The following NTM variants were observed in gnomAD, a reference collection of about 807,000 sequenced individuals.
The protein encoded by NTM is IgLON family member 2.
Under a neutral mutation model 42.1 loss-of-function variants are expected in NTM, and 13 were observed. That is an observed-to-expected ratio of 0.31 (90% CI 0.20 to 0.49). The LOEUF (loss-of-function observed/expected upper bound fraction) is 0.49, where lower values mean the gene tolerates loss of function less well. NTM is among the 20% of genes least tolerant of loss of function. The probability of loss-of-function intolerance (pLI) is 0.99; values close to 1 mark genes in which losing one functional copy is unlikely to be tolerated. For synonymous variants in NTM, 187 were observed against 179.2 expected (o/e 1.04, Z -0.35); for missense variants, 373 against 452.8 (o/e 0.82, Z 1.60).
At chr11:132,000,147 CAAGGCTTCT>C (rs2068909441) in intron 2 of NTM, among the ~76,000 whole-genome samples, 2 of 152,160 alleles carry the variant, frequency 1.3e-5, no homozygotes, top group African/African-American at 4.8e-5. Context: ...GGAAGCCAGG[CAAGGCTTCT>C]ACTGCACACA....
In NTM at chr11:131,472,882, T is replaced by C. The variant is rs114034508; in HGVS notation, c.82+101994T>C. 5.9e-3 allele frequency among the ~76,000 whole-genome samples: 904 copies of C among 152,208 alleles called. 9 individuals carry two copies. The highest frequency in any genetic ancestry group is 0.02 in the African/African-American group (815 of 41,524). The stretch of plus-strand genomic sequence containing the variant: ...CATTACTTCCACTACCCCCCAGAGA[T>C]TGAGTCATCCCTTGATCTTTCTTCA... On this transcript the variant is annotated intron_variant, in intron 1 of 8. Transcript: ENST00000683400.
intron 1 of NTM, among the ~76,000 whole-genome samples, chr11:131,591,120 G>A (rs1445008102): frequency 1.3e-5 from 2 of 152,170 alleles, no homozygotes; most frequent in East Asian, 3.9e-4. Context: ...AACTTCTTAG[G>A]GAAATTTCTT....
Position 132,280,317 on chromosome 11 carries a change from T to C in NTM, c.527-27372T>C, listed in dbSNP as rs151185700. ...CAGTATCCCCCACCCGAAATAGTAA[T>C]GTAACATGGTGAAAGTACAGGACAC... On this transcript the variant is annotated intron_variant, in intron 4 of 8. Transcript: ENST00000683400. Among the ~76,000 whole-genome samples, 299 of 152,172 alleles carry C rather than the reference T, an allele frequency of 2.0e-3. 8 individuals carry two copies. In the East Asian group the frequency reaches 0.052, roughly 26 times the overall value.
rs758667740 is a variant in NTM at position 132,307,673 on chromosome 11, A to G, written c.527-16A>G. The G allele has an allele frequency of 6.2e-7, 1 of 1,613,874 alleles. No homozygotes were observed. The highest frequency in any genetic ancestry group is 1.1e-5 in the South Asian group (1 of 91,034). ...TTTTCCTTGTATTTCACCACACGTT[A>G]CCGGTTTTCCCGCAGCGGTTGGCTT... On this transcript the variant is annotated splice_polypyrimidine_tract_variant and intron_variant, in intron 4 of 8. Transcript: ENST00000683400.
chr11:131,608,754 C>G (rs989638640), intron 1 of NTM, among the ~76,000 whole-genome samples: 3 of 152,186 alleles, frequency 2.0e-5, no homozygotes, highest in Non-Finnish European at 4.4e-5. Context: ...CTATTGCTCT[C>G]TCTCTTTAAA....
intron 4 of NTM, 132 bp from the exon 5 acceptor site, chr11:132,307,557 G>A: frequency 1.6e-6 from 2 of 1,271,740 alleles, no homozygotes; most frequent in East Asian, 2.5e-5. Context: ...AACCCACACA[G>A]TTCCTCAGAA....
rs1565552977 is a variant in NTM, at chr11:131,789,631, GAAGAA to G, written c.83-121927_83-121923del. 3.7e-4 allele frequency among the ~76,000 whole-genome samples: 31 copies of G among 84,662 alleles called. 3 individuals are homozygous for G. The highest frequency in any genetic ancestry group is 3.4e-3 in the South Asian group (10 of 2,912). 55.5% of individuals were successfully genotyped at this position (84,662 alleles called of 152,430 possible). ...AGAAGAAGAAGAAGAAGAAGAAGAA[GAAGAA>G]AAGAAGAAGAAGAAGAAGAAGAAGA... On this transcript the variant is annotated intron_variant, in intron 1 of 8. Coordinates refer to ENST00000683400, the MANE Select transcript of NTM (RefSeq NM_001352005.2).
chr11:132,064,785 G>A (rs1322727483), intron 2 of NTM, among the ~76,000 whole-genome samples: 1 of 152,168 alleles, frequency 6.6e-6, no homozygotes, highest in Non-Finnish European at 1.5e-5. Context: ...CCATAGGGGA[G>A]GCAGTGTAAG....
At chr11:132,108,559 G>C (rs1270173995) in intron 2 of NTM, among the ~76,000 whole-genome samples, 1 of 152,020 alleles carries the variant, frequency 6.6e-6, no homozygotes, top group Admixed American at 6.6e-5. Flanking sequence ...AGGAACAAAA[G>C]ACTACACATT....
chr11:132,209,418 T>C (rs2082481246), intron 3 of NTM, among the ~76,000 whole-genome samples: 1 of 128,032 alleles, frequency 7.8e-6, no homozygotes, highest in Non-Finnish European at 1.8e-5. Flanking sequence ...TGTGTGTGTG[T>C]GTGCATGCAT....
chr11:131,936,858 G>A (rs945784667), intron 2 of NTM, among the ~76,000 whole-genome samples: 1 of 152,174 alleles, frequency 6.6e-6, no homozygotes, highest in African/African-American at 2.4e-5. Context: ...AAGTGCTTAT[G>A]TGCATCTCAT....
intron 1 of NTM, among the ~76,000 whole-genome samples, chr11:131,392,832 T>C (rs1360505751): frequency 6.6e-6 from 1 of 152,230 alleles, no homozygotes; most frequent in Non-Finnish European, 1.5e-5. Flanking sequence ...AACCAAGGTC[T>C]ATTATTTTTG....
At chr11:131,814,815 G>GT (rs1433857890) in intron 1 of NTM, among the ~76,000 whole-genome samples, 2 of 152,122 alleles carry the variant, frequency 1.3e-5, no homozygotes, top group Non-Finnish European at 2.9e-5. Flanking sequence ...CCAGCGTCCA[G>GT]TCTAGAAACC....
intron 1 of NTM, among the ~76,000 whole-genome samples, chr11:131,558,442 T>C (rs1370705344): frequency 6.6e-6 from 1 of 152,184 alleles, no homozygotes; most frequent in African/African-American, 2.4e-5. Context: ...ATAATCCTCC[T>C]GGTTTTATGA....
intron 1 of NTM, among the ~76,000 whole-genome samples, chr11:131,777,490 G>A (rs1033763173): frequency 2.4e-5 from 3 of 125,456 alleles, no homozygotes; most frequent in Non-Finnish European, 4.6e-5. Flanking sequence ...GAAGCATGCA[G>A]TGCCAGGCTC....
At position 132,192,428 on chromosome 11, in the gene NTM, A is replaced by T. The variant is rs534513011; in HGVS notation, c.401-19594A>T. 5.0e-4 allele frequency among the ~76,000 whole-genome samples: 76 copies of T among 152,352 alleles called. 1 individual carries two copies. Among genetic ancestry groups the T allele is most frequent in the Admixed American group, 4.2e-3 (65 of 15,304 alleles). ...CTTGTGAAACTAAGCTTCATAAGCA[A>T]AGGAGAAATACAATCTTTTTCAGAC... On this transcript the variant is annotated intron_variant, in intron 3 of 8. Coordinates refer to ENST00000683400, the MANE Select transcript of NTM (RefSeq NM_001352005.2).
At chr11:132,147,212 TGTGA>T (rs1235835464) in intron 3 of NTM, among the ~76,000 whole-genome samples, 64 of 124,710 alleles carry the variant, frequency 5.1e-4, no homozygotes, top group African/African-American at 1.3e-3. Context: ...TGTGTGTGTG[TGTGA>T]GAGAGAGAGA....
intron 1 of NTM, among the ~76,000 whole-genome samples, chr11:131,507,990 C>G (rs367554264): frequency 0.065 from 9,830 of 151,940 alleles, 344 homozygotes; most frequent in Middle Eastern, 0.15. Context: ...GACTTCATGT[C>G]TAAAACACAA....
chr11:131,421,324 G>A (rs1031263713), intron 1 of NTM, among the ~76,000 whole-genome samples: 1 of 152,188 alleles, frequency 6.6e-6, no homozygotes, highest in Non-Finnish European at 1.5e-5. Flanking sequence ...AGAGGACAGA[G>A]GCATCTAAGA....
Sources: gnomAD v4.1 joint callset for allele counts (sites outside exome capture counted in the v4.1 genomes callset) on GRCh38, gnomAD v4.1.1 for gene constraint, MANE v1.5 for transcripts, NCBI Gene and HGNC (gene_info 2026-07-23, HGNC 2026-07-21) for gene names.